ADORA2B: variants seen among roughly 807,000 people sequenced by gnomAD.
ADORA2B encodes adenosine A2b receptor, also known as adenosine receptor A2b.
ADORA2B carries 18 observed loss-of-function variants against 20.8 expected under a neutral mutation model. The observed-to-expected ratio is 0.87, with a 90% CI of 0.60 to 1.29. The LOEUF is 1.29. ADORA2B is among the 50% of genes most tolerant of loss of function. The pLI is 0.00. For missense variants in ADORA2B, 441 were observed against 422.7 expected, an observed-to-expected ratio of 1.04 and a Z score of -0.38; for synonymous variants, 179 against 178.3, an observed-to-expected ratio of 1.00 and a Z score of -0.03.
chr17:15,959,494 ATTTTTTTTTTTTTT>A (rs56097835), intron 1 of ADORA2B, among the ~76,000 whole-genome samples: 1 of 75,954 alleles, frequency 1.3e-5, no homozygotes, highest in East Asian at 3.9e-4. Flanking sequence ...TCACATTCTG[ATTTTTTTTTTTTTT>A]TTTTTTTTTT....
upstream of ADORA2B, among the ~76,000 whole-genome samples, chr17:15,941,863 C>T (rs978029020): frequency 6.6e-6 from 1 of 151,932 alleles, no homozygotes; most frequent in African/African-American, 2.4e-5. Flanking sequence ...CCCCCATGGA[C>T]CCAGTGAGTC....
the ADORA2B span, among the ~76,000 whole-genome samples, chr17:15,915,793 G>A: frequency 2.0e-5 from 3 of 152,150 alleles, no homozygotes; most frequent in Admixed American, 2.0e-4. Flanking sequence ...AGTGGATTGG[G>A]TGATGCCCAC....
the ADORA2B span, among the ~76,000 whole-genome samples, chr17:15,894,026 A>G: frequency 6.6e-6 from 1 of 152,246 alleles, no homozygotes; most frequent in South Asian, 2.1e-4. Flanking sequence ...GATTTGGCCC[A>G]TGGGCAGCAG....
At chr17:15,924,488 T>C in the ADORA2B span, among the ~76,000 whole-genome samples, 1 of 152,136 alleles carries the variant, frequency 6.6e-6, no homozygotes, top group South Asian at 2.1e-4. Flanking sequence ...GCAGTATTCT[T>C]TGGGAGGCCG....
intron 1 of ADORA2B, among the ~76,000 whole-genome samples, chr17:15,956,620 A>T (rs1969969968): frequency 1.1e-5 from 1 of 87,966 alleles, no homozygotes. Context: ...TTTTTGAGAC[A>T]GTTTTGCTCT....
At chr17:15,916,395 C>T in the ADORA2B span, among the ~76,000 whole-genome samples, 2 of 152,258 alleles carry the variant, frequency 1.3e-5, no homozygotes, top group East Asian at 1.9e-4. Flanking sequence ...GGGCTTTATT[C>T]GACCAGGAGC....
chr17:15,901,113 G>A, the ADORA2B span, among the ~76,000 whole-genome samples: 2 of 152,050 alleles, frequency 1.3e-5, no homozygotes, highest in Admixed American at 6.5e-5. Context: ...ACCACAAAGC[G>A]ATTCCTGAGG....
chr17:15,859,960 G>A, the ADORA2B span, among the ~76,000 whole-genome samples: 2 of 152,144 alleles, frequency 1.3e-5, no homozygotes, highest in East Asian at 3.9e-4. Context: ...AAACTAAAAG[G>A]CAGAAATGAA....
the ADORA2B span, among the ~76,000 whole-genome samples, chr17:15,878,109 T>A: frequency 6.6e-6 from 1 of 151,820 alleles, no homozygotes; most frequent in Non-Finnish European, 1.5e-5. Flanking sequence ...AGCGCTTTAT[T>A]CGTTTCTCCT....
the ADORA2B span, among the ~76,000 whole-genome samples, chr17:15,916,277 C>T: frequency 2.0e-5 from 3 of 152,234 alleles, no homozygotes; most frequent in African/African-American, 7.2e-5. Context: ...CTTTGTGCTA[C>T]TGCAGCTGGA....
the ADORA2B span, among the ~76,000 whole-genome samples, chr17:15,927,103 T>G: frequency 3.3e-5 from 5 of 152,160 alleles, no homozygotes; most frequent in Admixed American, 6.5e-5. Flanking sequence ...TCCCAGCACT[T>G]TGGGAGGCCG....
At chr17:15,968,040 A>G (rs1970143047) in intron 1 of ADORA2B, among the ~76,000 whole-genome samples, 1 of 152,180 alleles carries the variant, frequency 6.6e-6, no homozygotes, top group Admixed American at 6.5e-5. Context: ...GTCACAATCA[A>G]ACAAGGTAGA....
At chr17:15,861,003 C>G in the ADORA2B span, 1 of 152,264 alleles carries the variant, frequency 6.6e-6, no homozygotes, top group Non-Finnish European at 1.5e-5. Context: ...GAAGCAGTTT[C>G]AGGTATCATG....
At chr17:15,877,070 A>G in the ADORA2B span, among the ~76,000 whole-genome samples, 1 of 152,182 alleles carries the variant, frequency 6.6e-6, no homozygotes, top group African/African-American at 2.4e-5. Flanking sequence ...ACATTATAGC[A>G]TGTCAGAATT....
the ADORA2B span, among the ~76,000 whole-genome samples, chr17:15,864,807 C>A: frequency 1.3e-5 from 2 of 151,972 alleles, no homozygotes; most frequent in Non-Finnish European, 2.9e-5. Flanking sequence ...AGGCCAGTTC[C>A]TGTAATCCTT....
chr17:15,922,676 C>T, the ADORA2B span, among the ~76,000 whole-genome samples: 1 of 152,208 alleles, frequency 6.6e-6, no homozygotes. Flanking sequence ...TATTAATGTG[C>T]ATATGTATAT....
chr17:15,884,020 CCAAAGCAT>C, the ADORA2B span, among the ~76,000 whole-genome samples: 1 of 152,158 alleles, frequency 6.6e-6, no homozygotes, highest in East Asian at 1.9e-4. Context: ...GAATATGAAA[CCAAAGCAT>C]CAAGAGGCTC....
At chr17:15,889,456 GA>G in the ADORA2B span, among the ~76,000 whole-genome samples, 10 of 130,276 alleles carry the variant, frequency 7.7e-5, 1 homozygote, top group Non-Finnish European at 1.6e-4. Context: ...AATAATTAGT[GA>G]AAAACATAAG....
At chr17:15,952,408 A>G (rs1969916339) in intron 1 of ADORA2B, among the ~76,000 whole-genome samples, 1 of 151,988 alleles carries the variant, frequency 6.6e-6, no homozygotes. Context: ...TCACCACCTC[A>G]CAGATAAGAA....
Sources: allele counts gnomAD v4.1 joint callset (sites outside exome capture counted in the v4.1 genomes callset), GRCh38; gene constraint gnomAD v4.1.1; transcripts MANE v1.5; gene names NCBI Gene and HGNC (gene_info 2026-07-23, HGNC 2026-07-21).